The following ELOVL7 variants were observed in gnomAD, a reference collection of about 807,000 sequenced individuals.
ELOVL7 encodes the protein ELOVL fatty acid elongase 7.
Under a neutral mutation model 35.7 loss-of-function variants are expected in ELOVL7, and 27 were observed. That is an observed-to-expected ratio of 0.76 (90% confidence interval 0.56 to 1.04). ELOVL7 has a LOEUF of 1.04. Among genes scored for constraint, ELOVL7 ranks in the 50% least tolerant of loss-of-function variants. ELOVL7 has a pLI of 0.00. For synonymous variants in ELOVL7, 113 were observed against 114.6 expected (o/e 0.99, Z 0.09); for missense variants, 327 against 340.8 (o/e 0.96, Z 0.32).
At chr5:60,831,654 C>T (rs1746485317) in intron 1 of ELOVL7, among the ~76,000 whole-genome samples, 1 of 152,214 alleles carries the variant, frequency 6.6e-6, no homozygotes, top group South Asian at 2.1e-4. Context: ...TTTAAAATAT[C>T]TTTGCATCTT....
chr5:60,837,171 C>T (rs1289161037), intron 1 of ELOVL7, among the ~76,000 whole-genome samples: 2 of 150,764 alleles, frequency 1.3e-5, no homozygotes, highest in East Asian at 1.9e-4. Context: ...CAGTGTCTCA[C>T]GCCTGTAATC....
At position 60,752,722 on chromosome 5, in the gene ELOVL7, G is replaced by A. The variant is rs1741336303; in HGVS notation, c.*1902C>T. The A allele has an allele frequency of 1.3e-5, 2 of 152,168 alleles. No individual in the cohort carries two copies. Among genetic ancestry groups the A allele is most frequent in the African/African-American group, 2.4e-5 (1 of 41,432 alleles). The allele number at this position is 152,168 out of a possible 1,614,324, so 9.4% of individuals were successfully genotyped here. On this transcript the variant is annotated 3_prime_UTR_variant, in exon 9 of 9. Transcript: ENST00000508821. ...AATCCCAGAACTTTGGGAGGCCGAG[G>A]TGGGAGGATCACCTGAGGTCAGGAG...
chr5:60,818,934 G>A (rs1281416473), intron 1 of ELOVL7, among the ~76,000 whole-genome samples: 1 of 150,202 alleles, frequency 6.7e-6, no homozygotes, highest in Non-Finnish European at 1.5e-5. Context: ...TTTTGAACCT[G>A]AGAGGTGGAG....
intron 7 of ELOVL7, among the ~76,000 whole-genome samples, chr5:60,763,206 T>C (rs1742029700): frequency 6.6e-6 from 1 of 152,200 alleles, no homozygotes; most frequent in Non-Finnish European, 1.5e-5. Flanking sequence ...GAAAATCCGA[T>C]GCCCATAAGC....
intron 3 of ELOVL7, among the ~76,000 whole-genome samples, chr5:60,785,213 C>T (rs1237185090): frequency 2.0e-5 from 3 of 152,238 alleles, no homozygotes; most frequent in East Asian, 3.9e-4. Context: ...CTTCTCCCTG[C>T]CTCTCTCCCC....
At chr5:60,755,051 C>T (rs1021015947) in intron 8 of ELOVL7, among the ~76,000 whole-genome samples, 1 of 152,122 alleles carries the variant, frequency 6.6e-6, no homozygotes, top group African/African-American at 2.4e-5. Context: ...AATTGCACAA[C>T]CGCAGGGTCT....
chr5:60,812,070 A>C (rs1745267900), intron 1 of ELOVL7, among the ~76,000 whole-genome samples: 1 of 152,156 alleles, frequency 6.6e-6, no homozygotes, highest in Admixed American at 6.6e-5. Context: ...TTTTTAAAAA[A>C]TTAACTGGGC....
intron 1 of ELOVL7, among the ~76,000 whole-genome samples, chr5:60,842,151 A>C (rs1209582692): frequency 6.6e-6 from 1 of 152,254 alleles, no homozygotes. Context: ...AGAGAAGGGC[A>C]TATGTGTTCA....
At chr5:60,834,865 T>A (rs1746695161) in intron 1 of ELOVL7, among the ~76,000 whole-genome samples, 1 of 151,096 alleles carries the variant, frequency 6.6e-6, no homozygotes, top group African/African-American at 2.5e-5. Context: ...TAAAAAAATA[T>A]ATAAATAGGC....
intron 2 of ELOVL7, among the ~76,000 whole-genome samples, chr5:60,788,531 T>C (rs1345476323): frequency 6.6e-6 from 1 of 152,116 alleles, no homozygotes; most frequent in East Asian, 1.9e-4. Flanking sequence ...TCCCAGCACT[T>C]TGGGAGACCA....
At chr5:60,804,567 G>A (rs1203313252) in intron 1 of ELOVL7, among the ~76,000 whole-genome samples, 1 of 152,160 alleles carries the variant, frequency 6.6e-6, no homozygotes, top group Admixed American at 6.5e-5. Context: ...TGACCACTGG[G>A]ACCAACTGGG....
At chr5:60,783,697 C>A (rs1240609919) in intron 3 of ELOVL7, among the ~76,000 whole-genome samples, 1 of 152,172 alleles carries the variant, frequency 6.6e-6, no homozygotes. Flanking sequence ...AGGCACACCT[C>A]TATTTGAAAA....
intron 2 of ELOVL7, among the ~76,000 whole-genome samples, chr5:60,797,561 G>A (rs572532736): frequency 4.7e-4 from 72 of 152,202 alleles, no homozygotes; most frequent in Non-Finnish European, 9.4e-4. Flanking sequence ...AGGAGAGTCC[G>A]AGGAAAGGAG....
In ELOVL7 at chr5:60,772,119, C is replaced by T. The variant is rs377374767; in HGVS notation, c.65-26G>A. 7.2e-6 allele frequency: 11 copies of T among 1,527,784 alleles called. No individual in the cohort carries two copies. In the South Asian group the frequency reaches 7.3e-5, roughly 10 times the overall value. 94.6% of individuals were successfully genotyped at this position (1,527,784 alleles called of 1,614,324 possible). On this transcript the variant is annotated intron_variant, in intron 3 of 8. Coordinates refer to ENST00000508821, the MANE Select transcript of ELOVL7 (RefSeq NM_024930.3). ...CTAAGAGAAAAACAATATGTGAGTA[C>T]ACACCTGCTTAGCCAAGGGGTAACT...
chr5:60,821,265 C>T (rs999050629), intron 1 of ELOVL7, among the ~76,000 whole-genome samples: 1 of 152,224 alleles, frequency 6.6e-6, no homozygotes, highest in African/African-American at 2.4e-5. Context: ...TAATCTCTAG[C>T]AGAGCAAAAC....
intron 4 of ELOVL7, among the ~76,000 whole-genome samples, chr5:60,769,385 T>A (rs1561427799): frequency 6.6e-6 from 1 of 152,212 alleles, no homozygotes; most frequent in Non-Finnish European, 1.5e-5. Flanking sequence ...AAGCACTGTG[T>A]CGAATGAAAG....
intron 2 of ELOVL7, among the ~76,000 whole-genome samples, chr5:60,793,988 A>C (rs1744094533): frequency 6.6e-6 from 1 of 152,146 alleles, no homozygotes; most frequent in Admixed American, 6.5e-5. Flanking sequence ...TTAAGGGTGG[A>C]AGAAACAAGA....
At chr5:60,755,541 C>G (rs899347962) in intron 8 of ELOVL7, among the ~76,000 whole-genome samples, 2 of 152,134 alleles carry the variant, frequency 1.3e-5, no homozygotes, top group African/African-American at 4.8e-5. Context: ...CCTGTAGTCC[C>G]AGCTACTCAG....
At position 60,813,692 on chromosome 5, in the gene ELOVL7, C is replaced by G. The variant is rs1049296583; in HGVS notation, c.-85-14462G>C. 2.6e-5 allele frequency among the ~76,000 whole-genome samples: 4 copies of G among 151,520 alleles called. 1 individual carries two copies. The highest frequency in any genetic ancestry group is 5.9e-5 in the Non-Finnish European group (4 of 67,946). ...AAACAGGGATTGTTACTTCAGAGAA[C>G]ACTTGTTAAAAGACCACTAGCCTGG... is the stretch of plus-strand genomic sequence containing the variant. On this transcript the variant is annotated intron_variant, in intron 1 of 8. Coordinates refer to ENST00000508821, the MANE Select transcript of ELOVL7 (RefSeq NM_024930.3).
Sources: allele counts gnomAD v4.1 joint callset (sites outside exome capture counted in the v4.1 genomes callset), GRCh38; gene constraint gnomAD v4.1.1; transcripts MANE v1.5; gene names NCBI Gene and HGNC (gene_info 2026-07-23, HGNC 2026-07-21).